The following CRHBP variants were observed in gnomAD, a reference collection of about 807,000 sequenced individuals.
The protein encoded by CRHBP is corticotropin-releasing hormone-binding protein.
CRHBP carries 19 observed loss-of-function variants against 34.9 expected under a neutral mutation model. The ratio of observed to expected loss-of-function variants is 0.55; its 90% CI spans 0.38 to 0.80. The LOEUF is 0.80. CRHBP is among the 30% of genes least tolerant of loss of function. The pLI is 0.00. For synonymous variants in CRHBP, 154 were observed against 153.4 expected (o/e 1.00, Z -0.03); for missense variants, 328 against 409.2 (o/e 0.80, Z 1.71).
chr5:76,962,766 C>T (rs1470969400), intron 5 of CRHBP, among the ~76,000 whole-genome samples: 1 of 152,022 alleles, frequency 6.6e-6, no homozygotes, highest in African/African-American at 2.4e-5. Flanking sequence ...AACTTGGGCC[C>T]CAAATCAGGG....
rs1299192855 is a variant in CRHBP at position 76,975,816 on chromosome 5, AAAAAAAAAAATAT to A, written n.312-547_312-535del. Among the ~76,000 whole-genome samples the A allele has an allele frequency of 2.2e-3, 226 of 100,656 alleles. 6 individuals are homozygous for A. The highest frequency in any genetic ancestry group is 0.013 in the African/African-American group (217 of 17,040). The allele number at this position is 100,656 out of a possible 152,430, so 66.0% of individuals were successfully genotyped here. A position where few individuals can be genotyped will look rare whatever the true frequency, so the allele number is the denominator to read the frequency against. ...GAGACTCTGTCTCAAAAAAAAAAAA[AAAAAAAAAAATAT>A]ATATATATATATATATACACGCATA... On this transcript the variant is annotated intron_variant and non_coding_transcript_variant, in intron 2 of 3. Coordinates refer to the CRHBP transcript ENST00000514258.
At chr5:76,965,019 A>G (rs1048474187) in intron 6 of CRHBP, among the ~76,000 whole-genome samples, 6 of 151,872 alleles carry the variant, frequency 4.0e-5, no homozygotes, top group African/African-American at 1.5e-4. Flanking sequence ...TCAGGTAAAA[A>G]AAAAACACAC....
chr5:76,975,861 T>TATATACAC (rs1554043517), intron 2 of CRHBP, among the ~76,000 whole-genome samples: 1 of 107,224 alleles, frequency 9.3e-6, no homozygotes, highest in Non-Finnish European at 1.7e-5. Flanking sequence ...CATATATATA[T>TATATACAC]ACACACACAT....
At chr5:76,963,804 A>AGAG (rs1745819183) in intron 6 of CRHBP, among the ~76,000 whole-genome samples, 1 of 152,246 alleles carries the variant, frequency 6.6e-6, no homozygotes, top group Admixed American at 6.5e-5. Flanking sequence ...TGGTTCAAAT[A>AGAG]GTAGATGTAT....
At chr5:76,956,518 G>A (rs1309509352) in intron 4 of CRHBP, among the ~76,000 whole-genome samples, 5 of 152,104 alleles carry the variant, frequency 3.3e-5, no homozygotes, top group Non-Finnish European at 7.4e-5. Context: ...GGCGGATCAC[G>A]AGGTCAGGAG....
Position 76,954,077 on chromosome 5 carries a change from A to G in CRHBP, c.224A>G (p.Asp75Gly), listed in dbSNP as rs1745624546. 8 of 1,613,944 alleles carry G rather than the reference A, an allele frequency of 5.0e-6. No homozygotes were observed. Among genetic ancestry groups the G allele is most frequent in the Non-Finnish European group, 6.8e-6 (8 of 1,179,926 alleles). Residue 75 changes from aspartate to glycine, a missense_variant, in exon 3 of 7, where the codon GAC (aspartate) becomes GGC (glycine). Physicochemically the swap from Asp to Gly is moderately conservative, Grantham distance 94. Around this residue, in one of 3 missense-constraint regions of CRHBP, gnomAD observed 173 missense variants for 172.2 expected, o/e 1.00. Transcript: ENST00000274368. The stretch of plus-strand genomic sequence containing the variant: ...CAGGGCCAGTTCACCTTCACCGCCG[A>G]CCGGCCGCAGCTGCACTGCGCAGCC... Reference protein sequence around the residue: ...SLQGQFTFTADRPQLHCAAFF... With the variant: ...SLQGQFTFTAGRPQLHCAAFF...
intron 6 of CRHBP, among the ~76,000 whole-genome samples, chr5:76,966,265 A>G (rs746627217): frequency 4.9e-4 from 74 of 152,040 alleles, no homozygotes; most frequent in Non-Finnish European, 8.7e-4. Context: ...TGATCTGCCC[A>G]CCTCGGCCTC....
Position 76,954,147 on chromosome 5 carries a change from C to A in CRHBP, c.294C>A (p.Asp98Glu). 6.2e-7 allele frequency: 1 copy of A among 1,614,012 alleles called. No homozygotes were observed. Among genetic ancestry groups the A allele is most frequent in the Non-Finnish European group, 8.5e-7 (1 of 1,179,924 alleles). Residue 98 changes from aspartate to glutamate, a missense_variant, in exon 3 of 7, where the codon GAC becomes GAA. Asp to Glu is a conservative substitution (Grantham distance 45, BLOSUM62 2). This residue lies in a region of CRHBP where 173 missense variants were observed against 172.2 expected (regional missense o/e 1.00). Coordinates refer to ENST00000274368, the MANE Select transcript of CRHBP (RefSeq NM_001882.4). ...EPEEFITIHY[D>E]QVSIDCQGGD... is the part of the protein sequence containing the mutation. ...AGGAGTTCATTACCATCCACTACGA[C>A]CAGGTCTCCATCGACTGTCAGGGCG...
rs531582752 is a variant in CRHBP at position 76,963,163 on chromosome 5, T to A, written c.694-180T>A. The A allele has an allele frequency of 2.6e-5, 15 of 571,322 alleles. No individual in the cohort carries two copies. The South Asian group carries it at 4.2e-4, about 16-fold the overall frequency. The allele number at this position is 571,322 out of a possible 1,614,324, so 35.4% of individuals were successfully genotyped here. On this transcript the variant is annotated intron_variant, in intron 5 of 6. Coordinates refer to ENST00000274368, the MANE Select transcript of CRHBP (RefSeq NM_001882.4). ...TACTCAACTGATTTAGAAAAGCAAT[T>A]TTTATGATTTTTTCTCTTTTAAATG...
chr5:76,969,028 C>G lies in CRHBP; in HGVS notation c.*143C>G. The G allele has an allele frequency of 1.3e-6, 1 of 759,114 alleles. No homozygotes were observed. The highest frequency in any genetic ancestry group is 2.0e-6 in the Non-Finnish European group (1 of 500,966). The allele number at this position is 759,114 out of a possible 1,614,324, so 47.0% of individuals were successfully genotyped here. ...GAGCGCACGCGCGCACACACACACA[C>G]ACATACACACACGCATTAATTTTTG... On this transcript the variant is annotated 3_prime_UTR_variant, in exon 7 of 7. Coordinates refer to ENST00000274368, the MANE Select transcript of CRHBP (RefSeq NM_001882.4).
chr5:76,967,936 A>T (rs1189634600), intron 6 of CRHBP, among the ~76,000 whole-genome samples: 1 of 152,100 alleles, frequency 6.6e-6, no homozygotes, highest in African/African-American at 2.4e-5. Context: ...TGACCTCGTG[A>T]TCCACCCACG....
chr5:76,958,076 T>C (rs551098833), intron 4 of CRHBP, among the ~76,000 whole-genome samples: 2 of 151,976 alleles, frequency 1.3e-5, no homozygotes, highest in South Asian at 4.2e-4. Flanking sequence ...GGAGAATCAC[T>C]TGAACCCGGG....
chr5:76,968,657 C>A, intron 6 of CRHBP, 71 bp from the exon 7 acceptor site: 2 of 1,463,380 alleles, frequency 1.4e-6, no homozygotes, highest in Non-Finnish European at 1.9e-6. Flanking sequence ...TTTAAGTGAT[C>A]CCGTCATTTA....
At chr5:76,972,373 G>A (rs1458848092), downstream of CRHBP, among the ~76,000 whole-genome samples, 3 of 152,006 alleles carry the variant, frequency 2.0e-5, no homozygotes, top group African/African-American at 7.3e-5. Flanking sequence ...GGAGGCAGGC[G>A]CCTGTAATCC....
chr5:76,954,617 A>G (rs1298328273), intron 3 of CRHBP, among the ~76,000 whole-genome samples: 2 of 152,172 alleles, frequency 1.3e-5, no homozygotes, highest in Non-Finnish European at 2.9e-5. Flanking sequence ...CACGTCTCAC[A>G]TCTGAGCCCG....
downstream of CRHBP, among the ~76,000 whole-genome samples, chr5:76,970,976 C>A (rs1189467121): frequency 6.6e-6 from 1 of 152,142 alleles, no homozygotes; most frequent in African/African-American, 2.4e-5. Flanking sequence ...CTGTCCATGT[C>A]TTTTTCTTGG....
intron 4 of CRHBP, among the ~76,000 whole-genome samples, chr5:76,957,148 T>C (rs1367825465): frequency 6.6e-6 from 1 of 152,174 alleles, no homozygotes; most frequent in African/African-American, 2.4e-5. Flanking sequence ...AAGATCAGGC[T>C]GGCCCACAAA....
intron 5 of CRHBP, 144 bp downstream of exon 5, chr5:76,959,033 C>T: frequency 2.5e-6 from 2 of 808,808 alleles, no homozygotes; most frequent in South Asian, 2.7e-5. Flanking sequence ...ATGTGTTTGC[C>T]CTAGCTGCTT....
chr5:76,953,741 G>A (rs1308614857), intron 2 of CRHBP, 47 bp downstream of exon 2: 1 of 1,538,674 alleles, frequency 6.5e-7, no homozygotes. Flanking sequence ...CGCGGGGAAG[G>A]TGGGACTCTG....
Sources: allele counts gnomAD v4.1 joint callset (sites outside exome capture counted in the v4.1 genomes callset), GRCh38; gene constraint gnomAD v4.1.1; regional missense constraint gnomAD v4.1.1; transcripts MANE v1.5; gene names NCBI Gene and HGNC (gene_info 2026-07-23, HGNC 2026-07-21).